The following ATP8B1 variants were observed in gnomAD, a reference collection of about 807,000 sequenced individuals.
ATP8B1 encodes ATPase phospholipid transporting 8B1, also known as phospholipid-transporting ATPase IC.
A neutral mutation model predicts 149.9 loss-of-function variants in ATP8B1; 80 were observed. That is an observed-to-expected ratio of 0.53 (90% CI 0.45 to 0.64). The LOEUF is 0.64. ATP8B1 is among the 30% of genes least tolerant of loss of function. The probability of loss-of-function intolerance (pLI) is 0.00; values close to 1 mark genes in which losing one functional copy is unlikely to be tolerated. For missense variants in ATP8B1, 1,247 were observed against 1,552.6 expected (o/e 0.80, Z 3.31); for synonymous variants, 536 against 562.8 (o/e 0.95, Z 0.67).
chr18:57,706,934 C>G (rs1913426617), intron 2 of ATP8B1, among the ~76,000 whole-genome samples: 1 of 152,196 alleles, frequency 6.6e-6, no homozygotes, highest in Admixed American at 6.5e-5. Flanking sequence ...ATCCTGCTGA[C>G]ATCTTGATGC....
chr18:57,662,490 G>A lies in ATP8B1; in HGVS notation c.2411C>T (p.Ser804Phe), dbSNP rs770796055. The A allele has an allele frequency of 1.2e-5, 19 of 1,614,092 alleles. No individual in the cohort carries two copies. Among genetic ancestry groups the A allele is most frequent in the Non-Finnish European group, 1.6e-5 (19 of 1,180,000 alleles). ...GGNRALIITG[S>F]WLNEILLEKK... ...TACACTAATGATACGTACCAACCAA[G>A]AACCAGTGATGATTAAGGCACGGTT... The change falls in exon 21 of 28, where the codon TCT becomes TTT. Residue 804 changes from serine to phenylalanine, a missense_variant. By Grantham distance (155) the Ser-to-Phe change is radical (BLOSUM62 -2). Transcript: ENST00000648908.
At chr18:57,727,353 A>G (rs1226133557) in intron 2 of ATP8B1, among the ~76,000 whole-genome samples, 1 of 152,218 alleles carries the variant, frequency 6.6e-6, no homozygotes, top group East Asian at 1.9e-4. Context: ...CAGCTCCCTC[A>G]GCACTTTTCA....
In ATP8B1 at chr18:57,706,471, CA is replaced by C; in HGVS notation, c.279+18del. ...AAACTGCATTTTAATGAAAACAATTCAGAAAGTTAACAACTCACCGCATATT... is the reference window on the plus strand; with the variant it reads ...AAACTGCATTTTAATGAAAACAATTCGAAAGTTAACAACTCACCGCATATT... On this transcript the variant is annotated intron_variant, in intron 3 of 27. Transcript: ENST00000648908. 1 of 1,602,972 alleles carries C rather than the reference CA, an allele frequency of 6.2e-7. No homozygotes were observed. The highest frequency in any genetic ancestry group is 1.1e-5 in the South Asian group (1 of 90,620).
At chr18:57,711,320 G>T (rs1913676512) in intron 2 of ATP8B1, among the ~76,000 whole-genome samples, 1 of 152,188 alleles carries the variant, frequency 6.6e-6, no homozygotes, top group Non-Finnish European at 1.5e-5. Flanking sequence ...AGCAAAAAAA[G>T]AATGAGGTGA....
intron 2 of ATP8B1, among the ~76,000 whole-genome samples, chr18:57,730,217 C>T (rs1248651893): frequency 6.7e-6 from 1 of 150,272 alleles, no homozygotes; most frequent in African/African-American, 2.5e-5. Context: ...GATAGCAGAA[C>T]CCAAGAAAGA....
chr18:57,761,078 AAT>A lies in ATP8B1; in HGVS notation c.-25-29248_-25-29247del, dbSNP rs1214255966. ...ACATAAAATAACATAAAATAAAATAAATAAAATAAAATAAAATAAAAAATAAA... is the reference window on the plus strand; with the variant it reads ...ACATAAAATAACATAAAATAAAATAAAAAATAAAATAAAATAAAAAATAAA... On this transcript the variant is annotated intron_variant, in intron 1 of 27. Transcript: ENST00000648908. Among the ~76,000 whole-genome samples the A allele has an allele frequency of 7.3e-3, 1,010 of 138,242 alleles. 14 individuals are homozygous for A. The highest frequency in any genetic ancestry group is 0.025 in the African/African-American group (946 of 37,612). The allele number at this position is 138,242 out of a possible 152,430, so 90.7% of individuals were successfully genotyped here. A position where few individuals can be genotyped will look rare whatever the true frequency, so the allele number is the denominator to read the frequency against.
intron 16 of ATP8B1, among the ~76,000 whole-genome samples, chr18:57,674,162 C>G (rs1392463436): frequency 7.0e-6 from 1 of 142,712 alleles, no homozygotes; most frequent in African/African-American, 2.6e-5. Context: ...AGGAGACTCG[C>G]TTGAACCTGG....
In ATP8B1 at chr18:57,702,468, C is replaced by A. The variant is rs143891663; in HGVS notation, c.394-1155G>T. Among the ~76,000 whole-genome samples the A allele has an allele frequency of 5.0e-3, 766 of 152,298 alleles. 11 individuals are homozygous for A. The highest frequency in any genetic ancestry group is 0.017 in the African/African-American group (697 of 41,562). On this transcript the variant is annotated intron_variant, in intron 4 of 27. Coordinates refer to ENST00000648908, the MANE Select transcript of ATP8B1 (RefSeq NM_001374385.1). ...AAAATGGAGGTCATGCCAGGCCTGA[C>A]CTTCTAGACTAGAAGAATTAAGTGT... is the stretch of plus-strand genomic sequence containing the variant.
At chr18:57,713,157 C>CTCTCTCTTTCTTTCTTTCTT (rs1555694194) in intron 2 of ATP8B1, among the ~76,000 whole-genome samples, 1 of 92,044 alleles carries the variant, frequency 1.1e-5, no homozygotes, top group Admixed American at 1.2e-4. Context: ...CTTGATCTTT[C>CTCTCTCTTTCTTTCTTTCTT]TCTTTCTTTC....
At chr18:57,737,448 C>T (rs1341456809) in intron 1 of ATP8B1, among the ~76,000 whole-genome samples, 2 of 151,946 alleles carry the variant, frequency 1.3e-5, no homozygotes, top group Non-Finnish European at 2.9e-5. Flanking sequence ...TGGCATGATC[C>T]TAGCTCACTA....
At chr18:57,706,706 C>T in intron 2 of ATP8B1, 119 bp from the exon 3 acceptor site, 1 of 840,048 alleles carries the variant, frequency 1.2e-6, no homozygotes. Flanking sequence ...CAGAATGTGA[C>T]CTTATTTGGA....
At chr18:57,762,626 A>T (rs979960734) in intron 1 of ATP8B1, among the ~76,000 whole-genome samples, 1 of 152,170 alleles carries the variant, frequency 6.6e-6, no homozygotes, top group Non-Finnish European at 1.5e-5. Flanking sequence ...AGAAGAGGAG[A>T]GCAATAGGCT....
chr18:57,764,339 CTT>C (rs1555654801), intron 1 of ATP8B1, among the ~76,000 whole-genome samples: 8 of 101,148 alleles, frequency 7.9e-5, no homozygotes, highest in African/African-American at 1.6e-4. Flanking sequence ...TTCTTTCTTT[CTT>C]TTTCTTTCTT....
chr18:57,754,025 T>C (rs185023307), intron 1 of ATP8B1, among the ~76,000 whole-genome samples: 140 of 151,582 alleles, frequency 9.2e-4, no homozygotes, highest in African/African-American at 3.3e-3. Context: ...ACTATAATGT[T>C]TTATGAGTCA....
chr18:57,756,026 A>G (rs931877349), intron 1 of ATP8B1, among the ~76,000 whole-genome samples: 2 of 151,452 alleles, frequency 1.3e-5, no homozygotes, highest in Non-Finnish European at 2.9e-5. Flanking sequence ...AGAATTATCA[A>G]CTTCAGACAA....
chr18:57,693,532 A>G (rs1912649484), intron 11 of ATP8B1, among the ~76,000 whole-genome samples: 1 of 152,050 alleles, frequency 6.6e-6, no homozygotes, highest in South Asian at 2.1e-4. Context: ...ACATGGTGAA[A>G]CCCCGTCTCT....
At chr18:57,652,395 G>C in intron 25 of ATP8B1, 89 bp downstream of exon 25, 2 of 1,555,242 alleles carry the variant, frequency 1.3e-6, no homozygotes, top group Non-Finnish European at 1.8e-6. Flanking sequence ...AGGTGCAGTG[G>C]GAGTCAGGTG....
intron 1 of ATP8B1, chr18:57,738,049 A>G (rs937172833): frequency 3.3e-5 from 5 of 151,550 alleles, no homozygotes; most frequent in African/African-American, 9.7e-5. Flanking sequence ...TGTACCAAAG[A>G]AAAAAAAACA....
chr18:57,654,119 A>G, intron 23 of ATP8B1, 44 bp from the exon 24 acceptor site: 1 of 1,508,634 alleles, frequency 6.6e-7, no homozygotes, highest in East Asian at 2.3e-5. Context: ...ACAAAGACAC[A>G]TGCCAGCCTA....
Sources: allele counts gnomAD v4.1 joint callset (sites outside exome capture counted in the v4.1 genomes callset), GRCh38; gene constraint gnomAD v4.1.1; transcripts MANE v1.5; gene names NCBI Gene and HGNC (gene_info 2026-07-23, HGNC 2026-07-21).